SAMD4A: variants seen among roughly 807,000 people sequenced by gnomAD.
SAMD4A encodes the protein sterile alpha motif domain containing 4A, also known as protein Smaug homolog 1.
A neutral mutation model predicts 81.3 loss-of-function variants in SAMD4A; 33 were observed. The observed-to-expected ratio is 0.41, with a 90% CI of 0.31 to 0.54. The LOEUF (loss-of-function observed/expected upper bound fraction) is 0.54. SAMD4A is among the 20% of genes least tolerant of loss of function. SAMD4A has a pLI of 0.37. For missense variants in SAMD4A, 854 were observed against 951.1 expected (o/e 0.90, Z 1.34); for synonymous variants, 389 against 382.1 (o/e 1.02, Z -0.21).
chr14:54,626,049 TGTGTGTGTGTGCGCGCGCGCGC>T lies in SAMD4A; in HGVS notation c.196+57939_196+57960del, dbSNP rs1266239588. Among the ~76,000 whole-genome samples, 26 of 128,262 alleles carry T rather than the reference TGTGTGTGTGTGCGCGCGCGCGC, an allele frequency of 2.0e-4. 1 individual carries two copies. Among genetic ancestry groups the T allele is most frequent in the African/African-American group, 8.3e-4 (24 of 28,958 alleles). 84.1% of individuals were successfully genotyped at this position (128,262 alleles called of 152,430 possible). On this transcript the variant is annotated intron_variant, in intron 2 of 12. Coordinates refer to ENST00000554335, the MANE Select transcript of SAMD4A (RefSeq NM_015589.6). ...GTGTGTGTGTGTGTGTGTGTGTGTGTGTGTGTGTGTGCGCGCGCGCGCGCGCGAGTGCGCACATGTGCATGCA... is the reference window on the plus strand; with the variant it reads ...GTGTGTGTGTGTGTGTGTGTGTGTGTGCGCGAGTGCGCACATGTGCATGCA...
At chr14:54,785,991 A>AGGAGGTGCCTGGTACC (rs2039130372) in intron 12 of SAMD4A, among the ~76,000 whole-genome samples, 1 of 152,220 alleles carries the variant, frequency 6.6e-6, no homozygotes, top group Non-Finnish European at 1.5e-5. Context: ...TCACTGGGCC[A>AGGAGGTGCCTGGTACC]TCCCTGGTAC....
At chr14:54,706,280 C>CAA (rs112193724) in intron 3 of SAMD4A, among the ~76,000 whole-genome samples, 67,846 of 109,886 alleles carry the variant, frequency 0.62, 22,598 homozygotes, top group Non-Finnish European at 0.72. Context: ...GACTTAGTCT[C>CAA]AAAAAAAAAA....
At position 54,774,921 on chromosome 14, in the gene SAMD4A, T is replaced by G; in HGVS notation, c.1716-13T>G. On this transcript the variant is annotated splice_polypyrimidine_tract_variant and intron_variant, in intron 9 of 12. Coordinates refer to ENST00000554335, the MANE Select transcript of SAMD4A (RefSeq NM_015589.6). ...CGACTGATATTCTCTTCCTTCTCTCTTGGCTCTCACAGTCGAGGCTTTGGG... is the reference window on the plus strand; with the variant it reads ...CGACTGATATTCTCTTCCTTCTCTCGTGGCTCTCACAGTCGAGGCTTTGGG... The G allele has an allele frequency of 6.2e-7, 1 of 1,614,050 alleles. No homozygotes were observed.
Position 54,739,050 on chromosome 14 carries a change from CTTTTCT to C in SAMD4A, c.979+1768_979+1773del, listed in dbSNP as rs1200731804. On this transcript the variant is annotated intron_variant, in intron 4 of 12. Coordinates refer to ENST00000554335, the MANE Select transcript of SAMD4A (RefSeq NM_015589.6). ...CCTTTTACTTTGTTTTCTTTCTTTC[CTTTTCT>C]TTTTTTTTTTTTTTTTTTGAGGCCC... is the stretch of plus-strand genomic sequence containing the variant. Among the ~76,000 whole-genome samples, 20 of 50,058 alleles carry C rather than the reference CTTTTCT, an allele frequency of 4.0e-4. No individual in the cohort carries two copies. The East Asian group carries it at 5.3e-3, about 13-fold the overall frequency. The allele number at this position is 50,058 out of a possible 152,430, so 32.8% of individuals were successfully genotyped here.
chr14:54,779,930 G>A (rs561051930), intron 11 of SAMD4A, among the ~76,000 whole-genome samples: 10 of 152,238 alleles, frequency 6.6e-5, no homozygotes, highest in East Asian at 5.8e-4. Context: ...GAGGCAGGGC[G>A]TTTTCTCAAC....
At chr14:54,687,770 G>A (rs2140636465) in intron 2 of SAMD4A, among the ~76,000 whole-genome samples, 1 of 152,302 alleles carries the variant, frequency 6.6e-6, no homozygotes, top group South Asian at 2.1e-4. Flanking sequence ...GGGGGAATGG[G>A]AGGGTAAGGG....
intron 2 of SAMD4A, among the ~76,000 whole-genome samples, chr14:54,700,267 G>A (rs1383099843): frequency 6.6e-6 from 1 of 152,064 alleles, no homozygotes; most frequent in Non-Finnish European, 1.5e-5. Flanking sequence ...TTGGGGCTCA[G>A]AGAAGGTATT....
chr14:54,742,120 AG>A (rs2037858721), intron 4 of SAMD4A, among the ~76,000 whole-genome samples: 2 of 151,996 alleles, frequency 1.3e-5, no homozygotes, highest in African/African-American at 4.8e-5. Context: ...TCAGTAATTG[AG>A]GGGGAAAAGG....
At chr14:54,775,427 C>T (rs1198642736) in intron 10 of SAMD4A, among the ~76,000 whole-genome samples, 2 of 152,234 alleles carry the variant, frequency 1.3e-5, no homozygotes, top group Non-Finnish European at 2.9e-5. Flanking sequence ...CATGCTTGAC[C>T]TTCTGCCACC....
At chr14:54,595,354 A>T (rs1012490204) in intron 2 of SAMD4A, among the ~76,000 whole-genome samples, 2 of 151,310 alleles carry the variant, frequency 1.3e-5, no homozygotes, top group East Asian at 3.9e-4. Context: ...TCTTATCTTC[A>T]TAGCGGCAGA....
At chr14:54,624,858 G>A (rs537245092) in intron 2 of SAMD4A, among the ~76,000 whole-genome samples, 2 of 152,026 alleles carry the variant, frequency 1.3e-5, no homozygotes, top group East Asian at 3.9e-4. Context: ...AGTTTTTGTT[G>A]TTGTTGTTGT....
chr14:54,567,658 T>TTA lies in SAMD4A; in HGVS notation c.-258_-257insAT, dbSNP rs1227307807. The TTA allele has an allele frequency of 1.3e-4, 47 of 356,250 alleles. No homozygotes were observed. The highest frequency in any genetic ancestry group is 4.3e-4 in the South Asian group (12 of 27,724). 22.1% of individuals were successfully genotyped at this position (356,250 alleles called of 1,614,324 possible). A position where few individuals can be genotyped will look rare whatever the true frequency, so the allele number is the denominator to read the frequency against. On this transcript the variant is annotated 5_prime_UTR_variant, in exon 2 of 13. Coordinates refer to ENST00000554335, the MANE Select transcript of SAMD4A (RefSeq NM_015589.6). ...CTTGTGGGGGATTTTTAAAAAGTCGTTTTTTTTTTTAAAGAAACATTTCCG... is the reference window on the plus strand; with the variant it reads ...CTTGTGGGGGATTTTTAAAAAGTCGTTATTTTTTTTTTAAAGAAACATTTCCG...
chr14:54,565,599 C>T (rs1442870158), upstream of SAMD4A, among the ~76,000 whole-genome samples: 8 of 152,320 alleles, frequency 5.3e-5, no homozygotes, highest in Non-Finnish European at 8.8e-5. This position sits in a 1 kb window ranked among gnomAD's most constrained non-coding sequence, Gnocchi z 5.4. Context: ...GCAGTGACCT[C>T]GGGTCTCACC....
rs137935642 is a variant in SAMD4A, at chr14:54,598,734, A to G, written c.196+30622A>G. 2.4e-4 allele frequency among the ~76,000 whole-genome samples: 37 copies of G among 152,350 alleles called. No individual in the cohort carries two copies. The East Asian group carries it at 5.0e-3, about 21-fold the overall frequency. ...AAAATAAAGACAAAGAAAACAAAATAGACAATCTGTTATTTAGTGGTATAA... is the reference window on the plus strand; with the variant it reads ...AAAATAAAGACAAAGAAAACAAAATGGACAATCTGTTATTTAGTGGTATAA... On this transcript the variant is annotated intron_variant, in intron 2 of 12. Coordinates refer to ENST00000554335, the MANE Select transcript of SAMD4A (RefSeq NM_015589.6).
chr14:54,572,238 A>G (rs1348153721), intron 2 of SAMD4A, among the ~76,000 whole-genome samples: 1 of 152,152 alleles, frequency 6.6e-6, no homozygotes, highest in Non-Finnish European at 1.5e-5. Context: ...GTATGAGGAG[A>G]GGCCTACTGG....
chr14:54,714,201 T>C (rs975076630), intron 3 of SAMD4A, among the ~76,000 whole-genome samples: 2 of 152,194 alleles, frequency 1.3e-5, no homozygotes, highest in African/African-American at 4.8e-5. Context: ...CCTTAATACG[T>C]TACTGTCTTT....
chr14:54,628,690 C>A (rs2034824501), intron 2 of SAMD4A, among the ~76,000 whole-genome samples: 1 of 152,148 alleles, frequency 6.6e-6, no homozygotes, highest in Admixed American at 6.5e-5. Flanking sequence ...ATCCTCCTAA[C>A]AACCGTTTGA....
Position 54,698,725 on chromosome 14 carries a change from A to G in SAMD4A, c.197-3337A>G, listed in dbSNP as rs993139252. Among the ~76,000 whole-genome samples, 7 of 152,206 alleles carry G rather than the reference A, an allele frequency of 4.6e-5. No individual in the cohort carries two copies. The South Asian group carries it at 6.2e-4, about 14-fold the overall frequency. On this transcript the variant is annotated intron_variant, in intron 2 of 12. Coordinates refer to ENST00000554335, the MANE Select transcript of SAMD4A (RefSeq NM_015589.6). ...GTTCCCAGTGGTAGTAAACAAAAGC[A>G]ATACTTGTCTTCCTGGTCCCACCAT...
intron 3 of SAMD4A, among the ~76,000 whole-genome samples, chr14:54,705,394 A>C (rs951283940): frequency 6.6e-6 from 1 of 152,176 alleles, no homozygotes; most frequent in Non-Finnish European, 1.5e-5. Context: ...GTTGGACTTA[A>C]GGCTTCTTCT....
Sources: allele counts gnomAD v4.1 joint callset (sites outside exome capture counted in the v4.1 genomes callset), GRCh38; gene constraint gnomAD v4.1.1; non-coding constraint Gnocchi (gnomAD v3.1); transcripts MANE v1.5; gene names NCBI Gene and HGNC (gene_info 2026-07-23, HGNC 2026-07-21).